The following PDE4D variants were observed in gnomAD, a reference collection of about 807,000 sequenced individuals.
PDE4D encodes 3',5'-cyclic-AMP phosphodiesterase 4D.
In PDE4D, 24 loss-of-function variants were observed where a neutral mutation model predicts 87.4. The observed-to-expected ratio is 0.27, with a 90% CI of 0.20 to 0.39. The LOEUF is 0.39. Ranked by LOEUF, PDE4D falls within the 10% of genes least tolerant of loss-of-function variation. The probability of loss-of-function intolerance (pLI) is 1.00; values close to 1 mark genes in which losing one functional copy is unlikely to be tolerated. For synonymous variants in PDE4D, 384 were observed against 383.2 expected, an observed-to-expected ratio of 1.00 and a Z score of -0.02; for missense variants, 714 against 1,041.0, an observed-to-expected ratio of 0.69 and a Z score of 4.32.
chr5:58,994,193 A>C (rs965848919), intron 6 of PDE4D, among the ~76,000 whole-genome samples: 54 of 152,194 alleles, frequency 3.5e-4, no homozygotes, highest in African/African-American at 1.2e-3. Flanking sequence ...GTCACTAAAT[A>C]GGAAACAGGT....
intron 1 of PDE4D, among the ~76,000 whole-genome samples, chr5:59,230,439 G>T (rs1754911579): frequency 6.6e-6 from 1 of 152,080 alleles, no homozygotes; most frequent in African/African-American, 2.4e-5. Flanking sequence ...CACATTCCTG[G>T]CTATTTGGGT....
At chr5:60,262,126 C>A (rs1276201131) in intron 1 of PDE4D, among the ~76,000 whole-genome samples, 1 of 152,094 alleles carries the variant, frequency 6.6e-6, no homozygotes, top group Non-Finnish European at 1.5e-5. Context: ...CCTACTATCA[C>A]CTGGATTTGG....
chr5:60,185,847 T>G (rs1784734085), intron 1 of PDE4D, among the ~76,000 whole-genome samples: 1 of 151,972 alleles, frequency 6.6e-6, no homozygotes, highest in South Asian at 2.1e-4. Flanking sequence ...TAAGCAACAT[T>G]TCCAAAACAG....
At chr5:59,202,728 G>GCT (rs1408516970) in intron 2 of PDE4D, among the ~76,000 whole-genome samples, 1 of 152,004 alleles carries the variant, frequency 6.6e-6, no homozygotes, top group African/African-American at 2.4e-5. Flanking sequence ...CCCTGCTCAA[G>GCT]CTCTCTCTCT....
chr5:59,295,978 C>T, intron 1 of PDE4D, among the ~76,000 whole-genome samples: 1 of 151,798 alleles, frequency 6.6e-6, no homozygotes, highest in South Asian at 2.1e-4. Flanking sequence ...AGCTGCTATT[C>T]AGAGAGCCAA....
chr5:59,656,647 A>G (rs889263240), intron 1 of PDE4D, among the ~76,000 whole-genome samples: 2 of 152,158 alleles, frequency 1.3e-5, no homozygotes, highest in Non-Finnish European at 2.9e-5. Flanking sequence ...TGTCACCACT[A>G]CGTGTGAGAA....
At chr5:60,482,475 A>G (rs1209848535) in intron 1 of PDE4D, among the ~76,000 whole-genome samples, 5 of 152,184 alleles carry the variant, frequency 3.3e-5, no homozygotes, top group Non-Finnish European at 5.9e-5. Flanking sequence ...GGGCCATGTG[A>G]CCAAGCTCTG....
chr5:60,140,988 G>C (rs573636777), intron 2 of PDE4D, among the ~76,000 whole-genome samples: 1 of 152,090 alleles, frequency 6.6e-6, no homozygotes, highest in Non-Finnish European at 1.5e-5. Context: ...AGCCCCTTGC[G>C]GGATTAGAAC....
chr5:60,469,594 C>G (rs185573488), intron 1 of PDE4D, among the ~76,000 whole-genome samples: 61 of 152,288 alleles, frequency 4.0e-4, no homozygotes, highest in Non-Finnish European at 7.5e-4. Flanking sequence ...CTATCAGCAC[C>G]ATTTTTCCAA....
chr5:59,303,473 T>C (rs1770668120), intron 1 of PDE4D, among the ~76,000 whole-genome samples: 1 of 152,166 alleles, frequency 6.6e-6, no homozygotes, highest in Non-Finnish European at 1.5e-5. Context: ...CCTAAGCCAA[T>C]GTCTAGAAGG....
intron 1 of PDE4D, among the ~76,000 whole-genome samples, chr5:59,889,935 A>T (rs1371376095): frequency 6.6e-6 from 1 of 152,212 alleles, no homozygotes; most frequent in Non-Finnish European, 1.5e-5. Flanking sequence ...TAACATATCC[A>T]AATTTCCCAT....
intron 2 of PDE4D, among the ~76,000 whole-genome samples, chr5:60,123,924 A>C (rs543276424): frequency 1.3e-5 from 2 of 152,200 alleles, no homozygotes; most frequent in Non-Finnish European, 2.9e-5. Flanking sequence ...TACTGCATGG[A>C]AATCTTTCAC....
chr5:59,478,700 CTA>C (rs757832165), intron 1 of PDE4D, among the ~76,000 whole-genome samples: 2 of 151,966 alleles, frequency 1.3e-5, no homozygotes, highest in Non-Finnish European at 2.9e-5. Context: ...CAATTAAAAT[CTA>C]TGACAAAATT....
intron 1 of PDE4D, among the ~76,000 whole-genome samples, chr5:59,344,346 C>T (rs1779280554): frequency 6.6e-6 from 1 of 152,114 alleles, no homozygotes; most frequent in Non-Finnish European, 1.5e-5. Flanking sequence ...CTGAATGATT[C>T]CATTTTTAGC....
At chr5:60,026,536 T>C (rs929220370) in intron 2 of PDE4D, among the ~76,000 whole-genome samples, 2 of 152,154 alleles carry the variant, frequency 1.3e-5, no homozygotes, top group African/African-American at 4.8e-5. Flanking sequence ...GAACCGAATG[T>C]ATGTGATTAG....
intron 2 of PDE4D, among the ~76,000 whole-genome samples, chr5:60,003,475 G>A (rs1764183473): frequency 2.0e-5 from 3 of 152,062 alleles, no homozygotes. Flanking sequence ...ACTTTGGGAG[G>A]CCTAGGTGGG....
chr5:59,835,637 C>A (rs942115497), intron 1 of PDE4D, among the ~76,000 whole-genome samples: 1 of 151,960 alleles, frequency 6.6e-6, no homozygotes, highest in African/African-American at 2.4e-5. Context: ...ATAAGTAATT[C>A]ATAAATAATA....
chr5:59,200,070 C>CATACATGCATGTAGACATACAT (rs1746565223), intron 2 of PDE4D, among the ~76,000 whole-genome samples: 3 of 77,152 alleles, frequency 3.9e-5, no homozygotes, highest in Non-Finnish European at 6.2e-5. Context: ...TGTACACACA[C>CATACATGCATGTAGACATACAT]GTATGCACAC....
chr5:60,035,430 G>C (rs1410137698), intron 2 of PDE4D, among the ~76,000 whole-genome samples: 3 of 152,010 alleles, frequency 2.0e-5, no homozygotes, highest in Non-Finnish European at 4.4e-5. Context: ...AATTCAAAAG[G>C]CTCAAAGAAG....
Sources: allele counts gnomAD v4.1 joint callset (sites outside exome capture counted in the v4.1 genomes callset), GRCh38; gene constraint gnomAD v4.1.1; transcripts MANE v1.5; gene names NCBI Gene and HGNC (gene_info 2026-07-23, HGNC 2026-07-21).